NCAPD2: variants seen among roughly 807,000 people sequenced by gnomAD.
NCAPD2 encodes the protein non-SMC condensin I complex subunit D2, also known as condensin complex subunit 1.
In NCAPD2, 100 loss-of-function variants were observed where a neutral mutation model predicts 164.5. The ratio of observed to expected loss-of-function variants is 0.61; its 90% CI spans 0.52 to 0.72. The LOEUF (loss-of-function observed/expected upper bound fraction) is 0.72, where lower values mean the gene tolerates loss of function less well. NCAPD2 is among the 30% of genes least tolerant of loss of function. NCAPD2 has a pLI of 0.00. For missense variants in NCAPD2, 1,560 were observed against 1,749.2 expected (o/e 0.89, Z 1.93); for synonymous variants, 585 against 642.6 (o/e 0.91, Z 1.36).
intron 17 of NCAPD2, 56 bp downstream of exon 17, chr12:6,523,402 T>TTTG (rs1946286314): frequency 2.6e-5 from 36 of 1,396,880 alleles, no homozygotes; most frequent in Admixed American, 6.2e-5. Flanking sequence ...TTGGTTGTTT[T>TTTG]TTTTTTTTTT....
intron 11 of NCAPD2, 40 bp from the exon 12 acceptor site, chr12:6,517,556 T>G (rs769135626): frequency 1.2e-6 from 2 of 1,614,098 alleles, no homozygotes; most frequent in African/African-American, 2.7e-5. Flanking sequence ...GGGATGAAAT[T>G]ATGTCATTTA....
Position 6,526,088 on chromosome 12 carries a change from G to A in NCAPD2, c.2369G>A (p.Gly790Glu). 1 of 1,614,008 alleles carries A rather than the reference G, an allele frequency of 6.2e-7. No homozygotes were observed. Among genetic ancestry groups the A allele is most frequent in the Non-Finnish European group, 8.5e-7 (1 of 1,180,034 alleles). ...MMARGKPEIV[G>E]SNLDTLVSIG... ...CCTAGAGGAAAGCCAGAAATTGTGG[G>A]AAGCAATTTAGACACACTGGTGAGC... The change falls in exon 19 of 32, where the codon GGA becomes GAA. Residue 790 changes from glycine (G) to glutamate (E), a missense_variant. Coordinates refer to ENST00000315579, the MANE Select transcript of NCAPD2 (RefSeq NM_014865.4).
At chr12:6,523,239 G>A (rs546616340) in intron 16 of NCAPD2, 23 bp from the exon 17 acceptor site, 9 of 1,607,350 alleles carry the variant, frequency 5.6e-6, no homozygotes, top group South Asian at 5.5e-5. Context: ...TATAGTGACC[G>A]CTGATCTCTG....
intron 2 of NCAPD2, among the ~76,000 whole-genome samples, chr12:6,506,959 C>G (rs144027383): frequency 3.9e-5 from 6 of 152,140 alleles, no homozygotes; most frequent in Non-Finnish European, 8.8e-5. Context: ...ACATAGGTGC[C>G]TTACTTTTCT....
intron 17 of NCAPD2, 112 bp from the exon 18 acceptor site, chr12:6,525,471 C>CAGGAAA (rs2137058881): frequency 7.8e-7 from 1 of 1,274,918 alleles, no homozygotes; most frequent in East Asian, 2.3e-5. Flanking sequence ...TTTTTCTCTT[C>CAGGAAA]CTAAGTATTA....
In NCAPD2 at chr12:6,510,661, A is replaced by G. The variant is rs1422757934; in HGVS notation, c.295A>G (p.Ile99Val). 3.7e-6 allele frequency: 6 copies of G among 1,614,076 alleles called. No individual in the cohort carries two copies. Among genetic ancestry groups the G allele is most frequent in the East Asian group, 2.2e-5 (1 of 44,896 alleles). ...CCGCCACTCCCAGGAGCTTCCAGCT[A>G]TCCTGGATGATACAACTTTGAGTGG... ...VSRHSQELPA[I>V]LDDTTLSGSD... is the part of the protein sequence containing the mutation. The change falls in exon 5 of 32, where the codon ATC becomes GTC. Residue 99 changes from isoleucine (I) to valine (V), a missense_variant. By Grantham distance (29) the Ile-to-Val change is conservative. Coordinates refer to ENST00000315579, the MANE Select transcript of NCAPD2 (RefSeq NM_014865.4).
rs772478532 is a variant in NCAPD2 at position 6,526,366 on chromosome 12, C to A, written c.2561C>A (p.Thr854Lys). ...RLFERLRETV[T>K]KGFVHPDPLW... ...TTTGAGCGACTGCGGGAGACAGTCA[C>A]AAAAGGTGAGCTCTCAGGGAAGGCC... Residue 854 changes from threonine (T) to lysine (K), a missense_variant, in exon 20 of 32, where the codon ACA (threonine) becomes AAA (lysine). Transcript: ENST00000315579. 3 of 1,614,154 alleles carry A rather than the reference C, an allele frequency of 1.9e-6. No individual in the cohort carries two copies. The highest frequency in any genetic ancestry group is 2.2e-5 in the South Asian group (2 of 91,084).
Position 6,527,879 on chromosome 12 carries a change from C to G in NCAPD2, c.3010C>G (p.Leu1004Val), listed in dbSNP as rs747927145. 2 of 1,613,722 alleles carry G rather than the reference C, an allele frequency of 1.2e-6. No individual in the cohort carries two copies. Among genetic ancestry groups the G allele is most frequent in the African/African-American group, 1.3e-5 (1 of 75,054 alleles). ...AATCCGTGGCATCTGCGAGATGGAA[C>G]TGTTGGATGGTAAGAAAAATGGCTG... ...ELIRGICEME[L>V]LDGKQTLAAF... is the part of the protein sequence containing the mutation. Residue 1004 changes from leucine (L) to valine (V), a missense_variant, in exon 23 of 32, where the codon CTG (leucine) becomes GTG (valine). Transcript: ENST00000315579.
Position 6,531,495 on chromosome 12 carries a change from G to C in NCAPD2, c.*83G>C. ...ATTCTGTTTCCCTTGTAAAATATTT[G>C]TCTGTCTCTTTTTTTTAAAAAAAAA... On this transcript the variant is annotated 3_prime_UTR_variant, in exon 32 of 32. Transcript: ENST00000315579. This position sits in a 1 kb window ranked among gnomAD's most constrained non-coding sequence, Gnocchi z 4.1. The C allele has an allele frequency of 6.5e-7, 1 of 1,548,298 alleles. No individual in the cohort carries two copies. Among genetic ancestry groups the C allele is most frequent in the Non-Finnish European group, 8.7e-7 (1 of 1,150,534 alleles).
chr12:6,523,398 G>GTTGT lies in NCAPD2; in HGVS notation c.2214+54_2214+55insGTTT, dbSNP rs1555140245. On this transcript the variant is annotated intron_variant, in intron 17 of 31. Coordinates refer to ENST00000315579, the MANE Select transcript of NCAPD2 (RefSeq NM_014865.4). ...TATTCATTCAACAAGTATTTTGGTT[G>GTTGT]TTTTTTTTTTTTTTTTTGAGACGGA... 1,031 of 873,320 alleles carry GTTGT rather than the reference G, an allele frequency of 1.2e-3. 16 individuals carry two copies. In the African/African-American group the frequency reaches 0.02, roughly 17 times the overall value. 54.1% of individuals were successfully genotyped at this position (873,320 alleles called of 1,614,324 possible).
At chr12:6,516,012 T>A (rs1450155039) in intron 9 of NCAPD2, among the ~76,000 whole-genome samples, 1 of 150,366 alleles carries the variant, frequency 6.7e-6, no homozygotes, top group Non-Finnish European at 1.5e-5. Flanking sequence ...GCCAACATGG[T>A]GAAATCCCAT....
In NCAPD2 at chr12:6,504,202, T is replaced by TAG. The variant is rs1167298270; in HGVS notation, c.128-5514_128-5513insGA. 1.5e-3 allele frequency among the ~76,000 whole-genome samples: 32 copies of TAG among 22,024 alleles called. 1 individual carries two copies. Among genetic ancestry groups the TAG allele is most frequent in the East Asian group, 1.5e-3 (1 of 664 alleles). The allele number at this position is 22,024 out of a possible 152,430, so 14.4% of individuals were successfully genotyped here. On this transcript the variant is annotated intron_variant, in intron 2 of 31. Transcript: ENST00000315579. Reference sequence around the variant, plus strand: ...ATATACATATATATATATATATATATATATATATATATATAGATATAGATA... The same window carrying TAG: ...ATATACATATATATATATATATATATAGATATATATATATATAGATATAGATA...
intron 6 of NCAPD2, among the ~76,000 whole-genome samples, chr12:6,513,713 G>GTTTTTTTTTTTTTTTTTTTTTTTTTTT (rs1303520172): frequency 6.0e-5 from 3 of 50,122 alleles, no homozygotes; most frequent in African/African-American, 1.1e-4. Flanking sequence ...TGGTGACTTT[G>GTTTTTTTTTTTTTTTTTTTTTTTTTTT]TCTTTTTTTT....
At position 6,521,863 on chromosome 12, in the gene NCAPD2, ACTGT is replaced by A. The variant is rs1946266316; in HGVS notation, c.1785_1788del (p.Cys596LysfsTer18). Reference sequence around the variant, plus strand: ...TACAGGAAACATGGTCACAGGACAGACTGTCTGTAAAAATAAACCCAATATGTCG... The same window carrying A: ...TACAGGAAACATGGTCACAGGACAGACTGTAAAAATAAACCCAATATGTCG... On this transcript the variant is annotated frameshift_variant, in exon 15 of 32. Transcript: ENST00000315579. LOFTEE classifies it high-confidence loss of function. 3 of 1,614,024 alleles carry A rather than the reference ACTGT, an allele frequency of 1.9e-6. No individual in the cohort carries two copies. The highest frequency in any genetic ancestry group is 2.5e-6 in the Non-Finnish European group (3 of 1,180,016).
At chr12:6,501,055 G>C (rs752885544) in intron 2 of NCAPD2, among the ~76,000 whole-genome samples, 2 of 134,136 alleles carry the variant, frequency 1.5e-5, no homozygotes, top group Admixed American at 1.6e-4. Flanking sequence ...TGATTACAAG[G>C]CTTTTTTTTT....
At chr12:6,512,272 CAAA>C (rs35978725) in intron 6 of NCAPD2, among the ~76,000 whole-genome samples, 1,072 of 87,350 alleles carry the variant, frequency 0.012, 12 homozygotes, top group African/African-American at 0.04. Flanking sequence ...ACTCCATCTC[CAAA>C]AAAAAAAAAA....
At position 6,531,604 on chromosome 12, in the gene NCAPD2, G is replaced by T. The variant is rs971092261; in HGVS notation, c.*192G>T. On this transcript the variant is annotated 3_prime_UTR_variant, in exon 32 of 32. Transcript: ENST00000315579. This position sits in a 1 kb window ranked among gnomAD's most constrained non-coding sequence, Gnocchi z 4.1. ...GTGGATAACCTGAGGTAGGGAGTTC[G>T]AGACCAGCCTGACCAACATGGAGAA... 8.8e-7 allele frequency: 1 copy of T among 1,139,644 alleles called. No individual in the cohort carries two copies. Among genetic ancestry groups the T allele is most frequent in the African/African-American group, 1.6e-5 (1 of 63,138 alleles). 70.6% of individuals were successfully genotyped at this position (1,139,644 alleles called of 1,614,324 possible).
At chr12:6,521,671 G>C in intron 14 of NCAPD2, 127 bp from the exon 15 acceptor site, 1 of 1,221,714 alleles carries the variant, frequency 8.2e-7, no homozygotes, top group Non-Finnish European at 1.1e-6. Context: ...AGGCAACAGA[G>C]TGAGACCCCA....
rs759643965 is a variant in NCAPD2 at position 6,531,295 on chromosome 12, G to C, written c.4121-32G>C. ...ATTTTTTCACCATCTTTGTGACTCA[G>C]CTTTTTCTTATTCCTTTAATTCTTT... On this transcript the variant is annotated intron_variant, in intron 31 of 31. Transcript: ENST00000315579. The surrounding 1 kb of genome is among the most constrained non-coding windows in gnomAD (Gnocchi z 4.1). 1 of 1,598,628 alleles carries C rather than the reference G, an allele frequency of 6.3e-7. No homozygotes were observed. Among genetic ancestry groups the C allele is most frequent in the Non-Finnish European group, 8.6e-7 (1 of 1,168,712 alleles).
Sources: gnomAD v4.1 joint callset for allele counts (sites outside exome capture counted in the v4.1 genomes callset) on GRCh38, gnomAD v4.1.1 for gene constraint, Gnocchi (gnomAD v3.1) non-coding constraint, MANE v1.5 for transcripts, NCBI Gene and HGNC (gene_info 2026-07-23, HGNC 2026-07-21) for gene names.